Variants in SETD7 observed in about 807,000 individuals in gnomAD.
SETD7 encodes SET domain containing 7, histone lysine methyltransferase.
A neutral mutation model predicts 41.8 loss-of-function variants in SETD7; 16 were observed. The ratio of observed to expected loss-of-function variants is 0.38; its 90% confidence interval spans 0.26 to 0.58. The LOEUF is 0.58. SETD7 is among the 20% of genes least tolerant of loss of function. The pLI, the probability that SETD7 is intolerant of heterozygous loss-of-function variation, is 0.64. For missense variants in SETD7, 346 were observed against 459.7 expected (o/e 0.75, Z 2.26); for synonymous variants, 163 against 169.7 (o/e 0.96, Z 0.31).
chr4:139,533,403 C>G (rs769400825), intron 2 of SETD7, 37 bp from the exon 3 acceptor site: 1 of 1,535,510 alleles, frequency 6.5e-7, no homozygotes, highest in South Asian at 1.2e-5. Context: ...AATAGTCAGA[C>G]CATGACTTGA....
At chr4:139,542,614 G>A (rs1727810482) in intron 2 of SETD7, among the ~76,000 whole-genome samples, 1 of 151,438 alleles carries the variant, frequency 6.6e-6, no homozygotes, top group Non-Finnish European at 1.5e-5. Flanking sequence ...TCTGCCAATA[G>A]TAATTACTTC....
chr4:139,500,489 G>A lies in SETD7; in HGVS notation c.921-3968C>T, dbSNP rs558669517. On this transcript the variant is annotated intron_variant, in intron 7 of 7. Transcript: ENST00000506866. ...AGAAACTGTAGTAAACTAAGTTTAA[G>A]AAAGCTGGTGGTTTTTGTTTGTTTG... Among the ~76,000 whole-genome samples the A allele has an allele frequency of 5.2e-4, 79 of 152,218 alleles. 1 individual carries two copies. The highest frequency in any genetic ancestry group is 9.8e-4 in the Non-Finnish European group (67 of 68,034).
At chr4:139,548,725 G>T (rs916508645) in intron 1 of SETD7, among the ~76,000 whole-genome samples, 19 of 152,126 alleles carry the variant, frequency 1.2e-4, no homozygotes, top group Non-Finnish European at 2.9e-5. Flanking sequence ...GTGTTTTATT[G>T]CTACATCTGA....
chr4:139,519,265 G>A (rs537297496), intron 6 of SETD7, among the ~76,000 whole-genome samples: 4 of 152,216 alleles, frequency 2.6e-5, no homozygotes, highest in Admixed American at 6.5e-5. Flanking sequence ...TTATACAATA[G>A]AGCATATTGA....
At chr4:139,530,786 G>A (rs954428057) in intron 3 of SETD7, among the ~76,000 whole-genome samples, 1 of 152,136 alleles carries the variant, frequency 6.6e-6, no homozygotes, top group Non-Finnish European at 1.5e-5. Context: ...ATTTCCAAAA[G>A]GAGTTATATA....
rs189990844 is a variant in SETD7 at position 139,524,820 on chromosome 4, C to G, written c.563-1385G>C. Among the ~76,000 whole-genome samples the G allele has an allele frequency of 4.1e-3, 631 of 152,182 alleles. 2 individuals carry two copies. Among genetic ancestry groups the G allele is most frequent in the Non-Finnish European group, 6.9e-3 (469 of 67,986 alleles). On this transcript the variant is annotated intron_variant, in intron 4 of 7. Transcript: ENST00000274031. ...GAAAAGCATTTAAACCACCCTCCCC[C>G]ACTTTTTTTTTCTTTTGAGACAGTC...
intron 2 of SETD7, among the ~76,000 whole-genome samples, chr4:139,536,663 A>T (rs920383439): frequency 1.2e-4 from 18 of 147,774 alleles, no homozygotes; most frequent in African/African-American, 4.5e-4. Flanking sequence ...AGTGAGCTGA[A>T]ATTGTGCCAC....
rs554730821 is a variant in SETD7 at position 139,507,436 on chromosome 4, T to G, written c.*4227A>C. The G allele has an allele frequency of 5.2e-5, 8 of 152,770 alleles. No individual in the cohort carries two copies. The highest frequency in any genetic ancestry group is 1.9e-4 in the African/African-American group (8 of 41,568). 9.5% of individuals were successfully genotyped at this position (152,770 alleles called of 1,614,324 possible). ...GTCAGAGTTATTGTAGGCTTTTGAT[T>G]TTTAAAAATCAAAATTGATCTGCAT... On this transcript the variant is annotated 3_prime_UTR_variant, in exon 8 of 8. Transcript: ENST00000274031.
At chr4:139,497,896 A>G (rs1713481130) in intron 7 of SETD7, among the ~76,000 whole-genome samples, 1 of 152,154 alleles carries the variant, frequency 6.6e-6, no homozygotes, top group African/African-American at 2.4e-5. Context: ...TCCTTTCCCT[A>G]GAGGTGTTTG....
At position 139,544,850 on chromosome 4, in the gene SETD7, G is replaced by A. The variant is rs537073375; in HGVS notation, c.170+2070C>T. ...TGTGTTTGTGTGTGGAGGGGGAGGC[G>A]GAGGGGGTGTTCTGGGTGAATTCTA... On this transcript the variant is annotated intron_variant, in intron 2 of 7. Transcript: ENST00000274031. 6.0e-5 allele frequency among the ~76,000 whole-genome samples: 9 copies of A among 149,470 alleles called. No individual in the cohort carries two copies. In the East Asian group the frequency reaches 1.4e-3, roughly 24 times the overall value.
At chr4:139,518,152 G>A in intron 6 of SETD7, 110 bp from the exon 7 acceptor site, 1 of 1,217,760 alleles carries the variant, frequency 8.2e-7, no homozygotes, top group South Asian at 1.7e-5. Flanking sequence ...TTTTGAGACA[G>A]GGTCTCACTC....
intron 7 of SETD7, among the ~76,000 whole-genome samples, chr4:139,499,818 G>T (rs904798108): frequency 6.6e-6 from 1 of 152,072 alleles, no homozygotes; most frequent in African/African-American, 2.4e-5. Context: ...TCAGGGCAGT[G>T]GGCAAGAAGA....
intron 2 of SETD7, among the ~76,000 whole-genome samples, chr4:139,534,722 G>C (rs915669536): frequency 6.6e-6 from 1 of 152,136 alleles, no homozygotes; most frequent in African/African-American, 2.4e-5. Flanking sequence ...GAGCGGATAA[G>C]GAACAAAACA....
chr4:139,494,605 T>C (rs1294586460), downstream of SETD7, among the ~76,000 whole-genome samples: 1 of 152,226 alleles, frequency 6.6e-6, no homozygotes, highest in Non-Finnish European at 1.5e-5. Context: ...GACATTCCAC[T>C]GGAGTATGGG....
intron 7 of SETD7, 31 bp from the exon 8 acceptor site, chr4:139,511,874 G>T: frequency 6.3e-7 from 1 of 1,589,450 alleles, no homozygotes. Context: ...AGTCATTCCC[G>T]GGCCAGACCA....
Position 139,507,291 on chromosome 4 carries a change from A to G in SETD7, c.*4372T>C, listed in dbSNP as rs1030129062. ...CCCCTCAAAGGCCTGCAGTGATATCACTAAAAGGTGAACACACCTCCATTA... is the reference window on the plus strand; with the variant it reads ...CCCCTCAAAGGCCTGCAGTGATATCGCTAAAAGGTGAACACACCTCCATTA... On this transcript the variant is annotated 3_prime_UTR_variant, in exon 8 of 8. Coordinates refer to ENST00000274031, the MANE Select transcript of SETD7 (RefSeq NM_030648.4). 1 of 152,650 alleles carries G rather than the reference A, an allele frequency of 6.6e-6. No individual in the cohort carries two copies. The highest frequency in any genetic ancestry group is 1.5e-5 in the Non-Finnish European group (1 of 68,058). The allele number at this position is 152,650 out of a possible 1,614,324, so 9.5% of individuals were successfully genotyped here. A position where few individuals can be genotyped will look rare whatever the true frequency, so the allele number is the denominator to read the frequency against.
rs150430563 is a variant in SETD7, at chr4:139,540,051, A to C, written c.171-6685T>G. On this transcript the variant is annotated intron_variant, in intron 2 of 7. Coordinates refer to ENST00000274031, the MANE Select transcript of SETD7 (RefSeq NM_030648.4). ...AGACACTCTCCTAATAATTATTAAT[A>C]ATAATAGTAACAACAACAATGATAA... 2.5e-3 allele frequency among the ~76,000 whole-genome samples: 375 copies of C among 152,310 alleles called. 2 individuals carry two copies. The highest frequency in any genetic ancestry group is 6.8e-3 in the Middle Eastern group (2 of 294).
rs1308515305 is a variant in SETD7, at chr4:139,509,019, AC to A, written c.*2643del. 1 of 152,752 alleles carries A rather than the reference AC, an allele frequency of 6.5e-6. No individual in the cohort carries two copies. The highest frequency in any genetic ancestry group is 2.4e-5 in the African/African-American group (1 of 41,420). 9.5% of individuals were successfully genotyped at this position (152,752 alleles called of 1,614,324 possible). On this transcript the variant is annotated 3_prime_UTR_variant, in exon 8 of 8. Transcript: ENST00000274031. ...AAGACAGAGCCAGAGACATAAGCAA[AC>A]AGAGAGGCACACACAGAGGAAAAGC... is the stretch of plus-strand genomic sequence containing the variant.
chr4:139,544,896 T>C (rs917970269), intron 2 of SETD7, among the ~76,000 whole-genome samples: 1 of 151,870 alleles, frequency 6.6e-6, no homozygotes, highest in African/African-American at 2.4e-5. Flanking sequence ...CAGCTCCCAC[T>C]CTCACTTAGC....
Sources: gnomAD v4.1 joint callset for allele counts (sites outside exome capture counted in the v4.1 genomes callset) on GRCh38, gnomAD v4.1.1 for gene constraint, MANE v1.5 for transcripts, NCBI Gene and HGNC (gene_info 2026-07-23, HGNC 2026-07-21) for gene names.